PRELID2: variants seen among roughly 807,000 people sequenced by gnomAD.
PRELID2 encodes PRELI domain containing 2.
A neutral mutation model predicts 28.4 loss-of-function variants in PRELID2; 25 were observed. The ratio of observed to expected loss-of-function variants is 0.88; its 90% CI spans 0.64 to 1.23. The LOEUF (loss-of-function observed/expected upper bound fraction) is 1.23, where lower values mean the gene tolerates loss of function less well. Among genes scored for constraint, PRELID2 ranks in the 50% most tolerant of loss-of-function variants. The pLI is 0.00. For missense variants in PRELID2, 201 were observed against 214.4 expected (o/e 0.94, Z 0.39); for synonymous variants, 76 against 71.6 (o/e 1.06, Z -0.31).
chr5:145,286,711 TGTTTGTTTGTTTG>T, the PRELID2 span, among the ~76,000 whole-genome samples: 634 of 127,410 alleles, frequency 5.0e-3, 5 homozygotes, highest in African/African-American at 0.017. Flanking sequence ...TGTTTTTTTT[TGTTTGTTTGTTTG>T]TTTTTTTTTT....
chr5:145,232,052 T>A, the PRELID2 span, among the ~76,000 whole-genome samples: 478 of 152,204 alleles, frequency 3.1e-3, 3 homozygotes, highest in African/African-American at 0.011. Context: ...TCAGATTTTT[T>A]AAAAACACAT....
At chr5:145,551,788 A>C (rs1752837696) in intron 1 of PRELID2, among the ~76,000 whole-genome samples, 1 of 152,190 alleles carries the variant, frequency 6.6e-6, no homozygotes, top group Admixed American at 6.5e-5. Flanking sequence ...TCAGCAATAC[A>C]GAACCCCAGG....
At chr5:145,686,301 G>C (rs1209508266) in intron 1 of PRELID2, among the ~76,000 whole-genome samples, 3 of 152,028 alleles carry the variant, frequency 2.0e-5, no homozygotes, top group Non-Finnish European at 4.4e-5. Flanking sequence ...ACAGTGCCTG[G>C]CTTATAAGGG....
intron 1 of PRELID2, among the ~76,000 whole-genome samples, chr5:145,680,119 G>A (rs1050383274): frequency 2.0e-5 from 3 of 152,010 alleles, no homozygotes; most frequent in African/African-American, 7.2e-5. Context: ...TGAATCACTG[G>A]AGCATTTAAA....
At chr5:145,664,040 G>C (rs993570473) in intron 1 of PRELID2, among the ~76,000 whole-genome samples, 1 of 152,098 alleles carries the variant, frequency 6.6e-6, no homozygotes, top group Admixed American at 6.6e-5. Flanking sequence ...TCATTTGCTA[G>C]ATGTGTAAGC....
In PRELID2 at chr5:145,553,119, T is replaced by A. The variant is rs905902859; in HGVS notation, n.71-79804A>T. Among the ~76,000 whole-genome samples, 11 of 151,578 alleles carry A rather than the reference T, an allele frequency of 7.3e-5. No homozygotes were observed. In the East Asian group the frequency reaches 1.9e-3, roughly 27 times the overall value. Reference sequence around the variant, plus strand: ...ACTTGAATTAAGCAGAGACACATCATGAAGCTCACTTTACAAAAAGTGATA... The same window carrying A: ...ACTTGAATTAAGCAGAGACACATCAAGAAGCTCACTTTACAAAAAGTGATA... On this transcript the variant is annotated intron_variant and non_coding_transcript_variant, in intron 1 of 2. Coordinates refer to the PRELID2 transcript ENST00000510259.
At chr5:145,699,608 T>C (rs1280959597) in intron 1 of PRELID2, among the ~76,000 whole-genome samples, 3 of 152,170 alleles carry the variant, frequency 2.0e-5, no homozygotes, top group African/African-American at 4.8e-5. Context: ...CTTCTTCCCA[T>C]TTCAGTTTGT....
intron 5 of PRELID2, among the ~76,000 whole-genome samples, chr5:145,765,304 G>A (rs1397711115): frequency 2.6e-5 from 4 of 152,188 alleles, no homozygotes; most frequent in Non-Finnish European, 1.5e-5. Flanking sequence ...CCCTGCCAGA[G>A]CTAGAATGAT....
chr5:145,592,991 TA>T (rs765043576), intron 1 of PRELID2, among the ~76,000 whole-genome samples: 18 of 152,196 alleles, frequency 1.2e-4, no homozygotes, highest in South Asian at 4.1e-4. Context: ...TTGATATTTT[TA>T]TTCTGAGACT....
At chr5:145,673,455 A>C (rs545413931) in intron 1 of PRELID2, among the ~76,000 whole-genome samples, 1 of 151,960 alleles carries the variant, frequency 6.6e-6, no homozygotes, top group East Asian at 1.9e-4. Context: ...GATCTTCCTA[A>C]ATGCTGATAT....
the PRELID2 span, among the ~76,000 whole-genome samples, chr5:145,311,989 C>T: frequency 6.6e-6 from 1 of 152,012 alleles, no homozygotes; most frequent in African/African-American, 2.4e-5. Context: ...AATGATTAAT[C>T]AAGCTGGTTA....
At chr5:145,807,485 A>T (rs185200851) in intron 4 of PRELID2, among the ~76,000 whole-genome samples, 22 of 152,172 alleles carry the variant, frequency 1.4e-4, no homozygotes, top group Non-Finnish European at 2.6e-4. Context: ...TTTTTATCTT[A>T]TTAAGTCTTC....
chr5:145,682,811 G>C (rs1021349256), intron 1 of PRELID2, among the ~76,000 whole-genome samples: 6 of 152,148 alleles, frequency 3.9e-5, no homozygotes, highest in African/African-American at 9.7e-5. Context: ...CATCGAGGTT[G>C]ATCATTTCAC....
the PRELID2 span, among the ~76,000 whole-genome samples, chr5:145,406,822 A>C: frequency 2.0e-5 from 3 of 152,202 alleles, no homozygotes; most frequent in Non-Finnish European, 4.4e-5. Flanking sequence ...AATCCAGACC[A>C]CAGGAGAAAG....
intron 1 of PRELID2, among the ~76,000 whole-genome samples, chr5:145,699,649 A>T (rs930927781): frequency 1.3e-5 from 2 of 152,146 alleles, no homozygotes; most frequent in Non-Finnish European, 2.9e-5. Flanking sequence ...AAAGAAACTG[A>T]TTTCAGAGCC....
the PRELID2 span, among the ~76,000 whole-genome samples, chr5:145,420,339 C>T: frequency 6.6e-6 from 1 of 152,044 alleles, no homozygotes; most frequent in East Asian, 1.9e-4. Flanking sequence ...GCCATTTTCA[C>T]AATATTGATT....
chr5:145,238,742 C>T, the PRELID2 span, among the ~76,000 whole-genome samples: 1 of 151,972 alleles, frequency 6.6e-6, no homozygotes, highest in Non-Finnish European at 1.5e-5. Context: ...AAATGAACCT[C>T]ATATTACCAC....
chr5:145,315,974 A>G, the PRELID2 span, among the ~76,000 whole-genome samples: 1 of 152,188 alleles, frequency 6.6e-6, no homozygotes, highest in Non-Finnish European at 1.5e-5. Flanking sequence ...ATTTACTATT[A>G]TCTATACTCT....
intron 4 of PRELID2, among the ~76,000 whole-genome samples, chr5:145,798,536 G>T (rs1752914598): frequency 6.6e-6 from 1 of 152,114 alleles, no homozygotes; most frequent in African/African-American, 2.4e-5. Flanking sequence ...TATACCCAAA[G>T]GATTATAAAT....
Sources: allele counts gnomAD v4.1 joint callset (sites outside exome capture counted in the v4.1 genomes callset), GRCh38; gene constraint gnomAD v4.1.1; transcripts MANE v1.5; gene names NCBI Gene and HGNC (gene_info 2026-07-23, HGNC 2026-07-21).